PRKN: variants seen among roughly 807,000 people sequenced by gnomAD.
PRKN encodes E3 ubiquitin-protein ligase parkin.
PRKN carries 56 observed loss-of-function variants against 59.5 expected under a neutral mutation model. The ratio of observed to expected loss-of-function variants is 0.94; its 90% CI spans 0.76 to 1.18. The LOEUF is 1.18. Ranked by LOEUF, PRKN falls within the 50% of genes most tolerant of loss-of-function variation. PRKN has a pLI of 0.00. For synonymous variants in PRKN, 250 were observed against 222.1 expected (o/e 1.13, Z -1.12); for missense variants, 657 against 596.4 (o/e 1.10, Z -1.06).
At chr6:162,687,001 T>A (rs935539629) in intron 1 of PRKN, among the ~76,000 whole-genome samples, 1 of 152,110 alleles carries the variant, frequency 6.6e-6, no homozygotes, top group African/African-American at 2.4e-5. Context: ...GCTTAGGCTT[T>A]GCTTTTTTAT....
chr6:162,323,368 A>G (rs1051562101), intron 2 of PRKN, among the ~76,000 whole-genome samples: 2 of 151,996 alleles, frequency 1.3e-5, no homozygotes, highest in African/African-American at 4.8e-5. Flanking sequence ...AGATAATAAT[A>G]CAAAAATCTA....
At chr6:161,504,387 C>T (rs954151499) in intron 9 of PRKN, among the ~76,000 whole-genome samples, 9 of 152,118 alleles carry the variant, frequency 5.9e-5, no homozygotes, top group Non-Finnish European at 1.0e-4. Context: ...TCAGGCAGGG[C>T]GGGTCGGAAA....
chr6:162,339,267 A>T (rs1784024202), intron 2 of PRKN, among the ~76,000 whole-genome samples: 1 of 139,588 alleles, frequency 7.2e-6, no homozygotes. Context: ...CCGCCCGGCC[A>T]GCCGCCCCGT....
At chr6:161,912,829 T>C (rs975573859) in intron 6 of PRKN, among the ~76,000 whole-genome samples, 3 of 152,078 alleles carry the variant, frequency 2.0e-5, no homozygotes, top group African/African-American at 7.2e-5. Context: ...ATGGGGCCCT[T>C]TCCAAATTCA....
At chr6:162,717,305 A>T (rs1350348683) in intron 1 of PRKN, among the ~76,000 whole-genome samples, 1 of 152,100 alleles carries the variant, frequency 6.6e-6, no homozygotes, top group African/African-American at 2.4e-5. Flanking sequence ...GGCTGGGCAC[A>T]GTGGCTCACA....
At chr6:161,998,526 GCAATTCACATGTGGCCAGGGCTC>G (rs1248685280) in intron 5 of PRKN, among the ~76,000 whole-genome samples, 2 of 151,978 alleles carry the variant, frequency 1.3e-5, no homozygotes, top group Admixed American at 1.3e-4. Context: ...ACCTCAGCAG[GCAATTCACATGTGGCCAGGGCTC>G]CATCCAGTTA....
At chr6:161,678,378 A>G (rs1405864282) in intron 7 of PRKN, among the ~76,000 whole-genome samples, 1 of 151,780 alleles carries the variant, frequency 6.6e-6, no homozygotes, top group Non-Finnish European at 1.5e-5. Context: ...GACAAGTGTA[A>G]TAATGGTATT....
At chr6:162,228,052 A>G (rs570736168) in intron 3 of PRKN, among the ~76,000 whole-genome samples, 1 of 152,174 alleles carries the variant, frequency 6.6e-6, no homozygotes, top group Non-Finnish European at 1.5e-5. Flanking sequence ...CGTAGAGAGA[A>G]TTCTCCAAAT....
chr6:161,924,937 G>T (rs11970298), intron 6 of PRKN, among the ~76,000 whole-genome samples: 1 of 152,290 alleles, frequency 6.6e-6, no homozygotes, highest in South Asian at 2.1e-4. Flanking sequence ...CAAGAACCAC[G>T]GCTGCCCGTG....
intron 6 of PRKN, among the ~76,000 whole-genome samples, chr6:161,810,692 A>C (rs1357889282): frequency 6.6e-6 from 1 of 152,228 alleles, no homozygotes; most frequent in Non-Finnish European, 1.5e-5. Flanking sequence ...GATTATTTGC[A>C]ACATTCATGT....
intron 6 of PRKN, among the ~76,000 whole-genome samples, chr6:161,923,042 A>T (rs899613996): frequency 4.6e-5 from 7 of 152,260 alleles, no homozygotes; most frequent in Non-Finnish European, 8.8e-5. Flanking sequence ...GGCATCTTGC[A>T]GCATGGCTGG....
At chr6:161,653,211 A>C (rs559507851) in intron 7 of PRKN, among the ~76,000 whole-genome samples, 5 of 152,122 alleles carry the variant, frequency 3.3e-5, no homozygotes, top group Non-Finnish European at 5.9e-5. Flanking sequence ...AAATACAAAA[A>C]AAAATAGCTG....
At chr6:161,938,767 GTAGAGACACAAA>G (rs1229443501) in intron 6 of PRKN, among the ~76,000 whole-genome samples, 2 of 152,136 alleles carry the variant, frequency 1.3e-5, no homozygotes, top group Non-Finnish European at 2.9e-5. Flanking sequence ...ATTTGTGTCT[GTAGAGACACAAA>G]TAGATTTTGT....
intron 1 of PRKN, among the ~76,000 whole-genome samples, chr6:162,666,002 T>C (rs1779086366): frequency 6.6e-6 from 1 of 152,182 alleles, no homozygotes; most frequent in Non-Finnish European, 1.5e-5. Flanking sequence ...ACTGGATCCC[T>C]TCCTTACACA....
chr6:161,651,835 C>G (rs924460529), intron 7 of PRKN, among the ~76,000 whole-genome samples: 1 of 152,140 alleles, frequency 6.6e-6, no homozygotes, highest in Non-Finnish European at 1.5e-5. Context: ...TACCAAGAGC[C>G]CTGAGCTGGG....
intron 2 of PRKN, among the ~76,000 whole-genome samples, chr6:162,351,776 G>A (rs1307885895): frequency 6.6e-6 from 1 of 152,118 alleles, no homozygotes; most frequent in African/African-American, 2.4e-5. Flanking sequence ...CAAAATGATT[G>A]TAATGGATGA....
chr6:161,990,025 A>T (rs1203047197), intron 5 of PRKN, among the ~76,000 whole-genome samples: 1 of 152,106 alleles, frequency 6.6e-6, no homozygotes, highest in Non-Finnish European at 1.5e-5. Flanking sequence ...GTGGCTTGCC[A>T]CTACTATTGC....
chr6:162,644,780 C>T (rs571065252), intron 1 of PRKN, among the ~76,000 whole-genome samples: 8 of 152,168 alleles, frequency 5.3e-5, no homozygotes, highest in Admixed American at 1.3e-4. Flanking sequence ...GAAAGCAATA[C>T]GGTATACTGC....
intron 6 of PRKN, among the ~76,000 whole-genome samples, chr6:161,954,793 T>C (rs1163448240): frequency 6.6e-6 from 1 of 152,194 alleles, no homozygotes; most frequent in Non-Finnish European, 1.5e-5. Context: ...AATTGCTTTA[T>C]CTCTGTACAA....
Sources: allele counts gnomAD v4.1 joint callset (sites outside exome capture counted in the v4.1 genomes callset), GRCh38; gene constraint gnomAD v4.1.1; transcripts MANE v1.5; gene names NCBI Gene and HGNC (gene_info 2026-07-23, HGNC 2026-07-21).